Variants in IL15 observed in about 807,000 individuals in gnomAD.
IL15 encodes the protein interleukin-15.
A neutral mutation model predicts 19.6 loss-of-function variants in IL15; 11 were observed. The ratio of observed to expected loss-of-function variants is 0.56; its 90% CI spans 0.35 to 0.93. The LOEUF is 0.93. Ranked by LOEUF, IL15 falls within the 40% of genes least tolerant of loss-of-function variation. IL15 has a pLI of 0.01. For missense variants in IL15, 197 were observed against 186.5 expected (o/e 1.06, Z -0.33); for synonymous variants, 58 against 59.6 (o/e 0.97, Z 0.12).
chr4:141,640,585 A>C (rs573028169), intron 1 of IL15, among the ~76,000 whole-genome samples: 16 of 152,314 alleles, frequency 1.1e-4, no homozygotes, highest in East Asian at 5.8e-4. Flanking sequence ...AACAAACAAA[A>C]AAAAAAGTTG....
At chr4:141,681,977 G>C (rs12498901) in intron 2 of IL15, among the ~76,000 whole-genome samples, 16,660 of 152,168 alleles carry the variant, frequency 0.11, 1,007 homozygotes, top group Non-Finnish European at 0.14. Context: ...TTATAGCTCA[G>C]GTTGAAGTAA....
chr4:141,711,964 G>A (rs1324506526), intron 2 of IL15, among the ~76,000 whole-genome samples: 1 of 152,008 alleles, frequency 6.6e-6, no homozygotes, highest in African/African-American at 2.4e-5. Context: ...CTTTCTATTA[G>A]CATGTGTTTC....
At chr4:141,692,747 A>G (rs1164146689) in intron 2 of IL15, among the ~76,000 whole-genome samples, 1 of 151,966 alleles carries the variant, frequency 6.6e-6, no homozygotes, top group Admixed American at 6.6e-5. Flanking sequence ...CCATATCACT[A>G]TCAGCATTTT....
At chr4:141,659,644 G>T (rs537184277) in intron 2 of IL15, among the ~76,000 whole-genome samples, 1 of 152,324 alleles carries the variant, frequency 6.6e-6, no homozygotes, top group African/African-American at 2.4e-5. Flanking sequence ...TTGTCACTGA[G>T]ATATTGATGG....
At chr4:141,700,344 G>T (rs1729242001) in intron 2 of IL15, among the ~76,000 whole-genome samples, 1 of 152,146 alleles carries the variant, frequency 6.6e-6, no homozygotes, top group East Asian at 1.9e-4. Flanking sequence ...GTGTTTGTTT[G>T]TCTGAAAAAT....
intron 2 of IL15, among the ~76,000 whole-genome samples, chr4:141,664,389 A>ACACT (rs1727898210): frequency 1.3e-5 from 2 of 149,528 alleles, no homozygotes; most frequent in Admixed American, 6.7e-5. Flanking sequence ...ACACACACAC[A>ACACT]CAAAACCAAC....
chr4:141,673,979 T>C (rs1728260421), intron 2 of IL15, among the ~76,000 whole-genome samples: 1 of 152,250 alleles, frequency 6.6e-6, no homozygotes, highest in Admixed American at 6.5e-5. Context: ...TGATCTTTTT[T>C]GTCTGGGTCT....
chr4:141,657,436 TATA>T (rs768533120), intron 2 of IL15, among the ~76,000 whole-genome samples: 101 of 151,984 alleles, frequency 6.6e-4, no homozygotes, highest in Non-Finnish European at 1.2e-3. Context: ...TTTAGATTAT[TATA>T]ATTTTTTAAA....
chr4:141,704,278 T>C (rs935848036), intron 2 of IL15, among the ~76,000 whole-genome samples: 2 of 152,228 alleles, frequency 1.3e-5, no homozygotes, highest in African/African-American at 4.8e-5. Flanking sequence ...GTTTTTCAAA[T>C]GCTTTTCTGC....
intron 1 of IL15, among the ~76,000 whole-genome samples, chr4:141,652,291 G>A (rs1361840465): frequency 6.6e-6 from 1 of 152,062 alleles, no homozygotes; most frequent in East Asian, 1.9e-4. Context: ...CTCTGTCTCA[G>A]ATAATTTGTA....
rs956443179 is a variant in IL15 at position 141,686,405 on chromosome 4, A to T, written c.-100+30098A>T. ...AGGCTGCATATCAAGGTGCATCAAAATAATAAATTTCCTATTTCATTATCG... is the reference window on the plus strand; with the variant it reads ...AGGCTGCATATCAAGGTGCATCAAATTAATAAATTTCCTATTTCATTATCG... On this transcript the variant is annotated intron_variant, in intron 2 of 7. Coordinates refer to ENST00000320650, the MANE Select transcript of IL15 (RefSeq NM_000585.5). 2.0e-5 allele frequency among the ~76,000 whole-genome samples: 3 copies of T among 152,226 alleles called. No individual in the cohort carries two copies. The East Asian group carries it at 5.8e-4, about 29-fold the overall frequency.
At chr4:141,729,396 A>G (rs1432295998) in intron 6 of IL15, among the ~76,000 whole-genome samples, 3 of 152,164 alleles carry the variant, frequency 2.0e-5, no homozygotes, top group Non-Finnish European at 4.4e-5. Context: ...TCTTGGAATT[A>G]CTTCTCTCCC....
At chr4:141,668,525 C>G (rs72712404) in intron 2 of IL15, among the ~76,000 whole-genome samples, 16,646 of 152,248 alleles carry the variant, frequency 0.11, 1,000 homozygotes, top group Non-Finnish European at 0.14. Context: ...TGAGACTACC[C>G]TTCATGTTGG....
intron 2 of IL15, among the ~76,000 whole-genome samples, chr4:141,694,676 T>C (rs1285124372): frequency 6.6e-6 from 1 of 152,190 alleles, no homozygotes; most frequent in African/African-American, 2.4e-5. Flanking sequence ...AAATCATCAA[T>C]AGGCAGGTGT....
At chr4:141,716,271 T>C (rs544333872) in intron 2 of IL15, 2 of 152,356 alleles carry the variant, frequency 1.3e-5, no homozygotes, top group Non-Finnish European at 2.9e-5. Flanking sequence ...GGCCCAGAGT[T>C]CTAGGATGGC....
chr4:141,699,026 C>G (rs148184917), intron 2 of IL15, among the ~76,000 whole-genome samples: 323 of 152,046 alleles, frequency 2.1e-3, no homozygotes, highest in African/African-American at 7.4e-3. Context: ...ATAAGTTGTG[C>G]CACTATTATC....
chr4:141,693,668 G>A (rs575977619), intron 2 of IL15, among the ~76,000 whole-genome samples: 2 of 152,042 alleles, frequency 1.3e-5, no homozygotes, highest in Non-Finnish European at 2.9e-5. Flanking sequence ...CTAGATAGTG[G>A]GAAAACAAGA....
intron 2 of IL15, among the ~76,000 whole-genome samples, chr4:141,681,604 G>A (rs1728534625): frequency 6.6e-6 from 1 of 152,082 alleles, no homozygotes; most frequent in Admixed American, 6.5e-5. Context: ...ATGACAGTGG[G>A]TACCTGAGGG....
At chr4:141,667,359 T>C (rs1382769780) in intron 2 of IL15, among the ~76,000 whole-genome samples, 1 of 152,174 alleles carries the variant, frequency 6.6e-6, no homozygotes, top group Non-Finnish European at 1.5e-5. Flanking sequence ...TGTGATCTGA[T>C]GCTGTCTCCA....
Sources: allele counts gnomAD v4.1 joint callset (sites outside exome capture counted in the v4.1 genomes callset), GRCh38; gene constraint gnomAD v4.1.1; transcripts MANE v1.5; gene names NCBI Gene and HGNC (gene_info 2026-07-23, HGNC 2026-07-21).